PLXNA2: variants seen among roughly 807,000 people sequenced by gnomAD.
The protein encoded by PLXNA2 is plexin A2, also known as plexin-A2.
Under a neutral mutation model 193.5 loss-of-function variants are expected in PLXNA2, and 91 were observed. The ratio of observed to expected loss-of-function variants is 0.47; its 90% CI spans 0.40 to 0.56. The LOEUF is 0.56. Among genes scored for constraint, PLXNA2 ranks in the 20% least tolerant of loss-of-function variants. PLXNA2 has a pLI of 0.00. For synonymous variants in PLXNA2, 997 were observed against 1,027.3 expected (o/e 0.97, Z 0.56); for missense variants, 1,995 against 2,503.2 (o/e 0.80, Z 4.33).
chr1:208,164,987 A>G (rs1004241668), intron 3 of PLXNA2, among the ~76,000 whole-genome samples: 4 of 152,346 alleles, frequency 2.6e-5, no homozygotes, highest in Non-Finnish European at 5.9e-5. Context: ...GCGGGAAGTC[A>G]GGGACGGAAC....
intron 3 of PLXNA2, among the ~76,000 whole-genome samples, chr1:208,184,895 G>A (rs1558233778): frequency 6.6e-6 from 1 of 152,188 alleles, no homozygotes; most frequent in Non-Finnish European, 1.5e-5. Flanking sequence ...AAGCCTCCCA[G>A]TTCCTCTAAA....
chr1:208,043,033 G>A lies in PLXNA2; in HGVS notation c.4017+28C>T, dbSNP rs537714383. 50 of 1,611,648 alleles carry A rather than the reference G, an allele frequency of 3.1e-5. 1 individual carries two copies. The South Asian group carries it at 5.1e-4, about 16-fold the overall frequency. ...TACCCTGGGCCTGCATCCCTGCTGG[G>A]TGGCTGGGCCCAGGAGGCAGGCATT... On this transcript the variant is annotated intron_variant, in intron 21 of 31. Coordinates refer to ENST00000367033, the MANE Select transcript of PLXNA2 (RefSeq NM_025179.4).
intron 4 of PLXNA2, among the ~76,000 whole-genome samples, chr1:208,128,005 G>A (rs1178547255): frequency 6.6e-6 from 1 of 152,186 alleles, no homozygotes; most frequent in African/African-American, 2.4e-5. Flanking sequence ...GATTCTGCCT[G>A]GGAGTCAGGG....
chr1:208,026,956 A>G lies in PLXNA2; in HGVS notation c.*287T>C. On this transcript the variant is annotated 3_prime_UTR_variant, in exon 32 of 32. Coordinates refer to ENST00000367033, the MANE Select transcript of PLXNA2 (RefSeq NM_025179.4). ...GCAAAGCAGCAGTCACAGAGGCAGAACTGTCCCCAGCTCGTGCCTCTCGGC... is the reference window on the plus strand; with the variant it reads ...GCAAAGCAGCAGTCACAGAGGCAGAGCTGTCCCCAGCTCGTGCCTCTCGGC... 3.1e-6 allele frequency: 1 copy of G among 323,998 alleles called. No individual in the cohort carries two copies. The highest frequency in any genetic ancestry group is 5.8e-6 in the Non-Finnish European group (1 of 173,762). The allele number at this position is 323,998 out of a possible 1,614,324, so 20.1% of individuals were successfully genotyped here. A position where few individuals can be genotyped will look rare whatever the true frequency, so the allele number is the denominator to read the frequency against.
At position 208,218,098 on chromosome 1, in the gene PLXNA2, T is replaced by TGA. The variant is rs745591842; in HGVS notation, c.-80-97_-80-96insTC. ...CAGGGTCCCCATCCTGGTTTAGCTCTGTGAGTCTCCTCCTTCTGCATTTTG... is the reference window on the plus strand; with the variant it reads ...CAGGGTCCCCATCCTGGTTTAGCTCTGAGTGAGTCTCCTCCTTCTGCATTTTG... On this transcript the variant is annotated intron_variant, in intron 1 of 31. Transcript: ENST00000367033. The TGA allele has an allele frequency of 3.9e-6, 4 of 1,014,520 alleles. No homozygotes were observed. In the South Asian group the frequency reaches 6.1e-5, roughly 16 times the overall value. The allele number at this position is 1,014,520 out of a possible 1,614,324, so 62.8% of individuals were successfully genotyped here.
Position 208,038,262 on chromosome 1 carries a change from A to T in PLXNA2, c.4764+109T>A. 3.9e-6 allele frequency: 3 copies of T among 764,892 alleles called. No individual in the cohort carries two copies. The highest frequency in any genetic ancestry group is 7.1e-6 in the Non-Finnish European group (3 of 425,464). The allele number at this position is 764,892 out of a possible 1,614,324, so 47.4% of individuals were successfully genotyped here. On this transcript the variant is annotated intron_variant, in intron 26 of 31. Coordinates refer to ENST00000367033, the MANE Select transcript of PLXNA2 (RefSeq NM_025179.4). This position sits in a 1 kb window ranked among gnomAD's most constrained non-coding sequence, Gnocchi z 4.1. ...TGTTCTATGCTCCAGCAGGAGGAGG[A>T]AAGCAGGGAGAGGAAAATCCTTTTT...
intron 3 of PLXNA2, among the ~76,000 whole-genome samples, chr1:208,162,210 G>A (rs544737117): frequency 6.6e-5 from 10 of 152,358 alleles, no homozygotes; most frequent in Middle Eastern, 3.4e-3. Context: ...TCCATTAGCA[G>A]GAAGGGCAGA....
intron 2 of PLXNA2, among the ~76,000 whole-genome samples, chr1:208,212,517 A>T (rs1670995748): frequency 6.6e-6 from 1 of 152,224 alleles, no homozygotes; most frequent in Non-Finnish European, 1.5e-5. Flanking sequence ...TTTCTCAGGA[A>T]GGGAGTGAAG....
chr1:208,241,418 C>T (rs530656388), intron 1 of PLXNA2, among the ~76,000 whole-genome samples: 3 of 152,262 alleles, frequency 2.0e-5, no homozygotes, highest in East Asian at 1.9e-4. Flanking sequence ...TGGTTTTGGG[C>T]GATGGACATA....
At chr1:208,133,911 G>A (rs576166550) in intron 4 of PLXNA2, among the ~76,000 whole-genome samples, 1 of 152,288 alleles carries the variant, frequency 6.6e-6, no homozygotes, top group Admixed American at 6.5e-5. Flanking sequence ...TTTCCTTCTG[G>A]TGAGACACTG....
chr1:208,159,330 A>T (rs1005112050), intron 3 of PLXNA2, among the ~76,000 whole-genome samples: 1 of 152,192 alleles, frequency 6.6e-6, no homozygotes, highest in African/African-American at 2.4e-5. Context: ...GATCTTCATG[A>T]TCATCCTGTG....
intron 4 of PLXNA2, among the ~76,000 whole-genome samples, chr1:208,139,098 G>T (rs917641194): frequency 6.6e-6 from 1 of 152,290 alleles, no homozygotes; most frequent in East Asian, 1.9e-4. Flanking sequence ...CACTGCTTTT[G>T]GTTTAGTCTC....
intron 5 of PLXNA2, among the ~76,000 whole-genome samples, chr1:208,101,973 G>T (rs1667111596): frequency 6.6e-6 from 1 of 152,218 alleles, no homozygotes; most frequent in Non-Finnish European, 1.5e-5. Context: ...AGGGAACCAA[G>T]ATTTACCCCC....
intron 1 of PLXNA2, among the ~76,000 whole-genome samples, chr1:208,242,667 C>T (rs188558861): frequency 6.6e-6 from 1 of 152,306 alleles, no homozygotes; most frequent in Admixed American, 6.5e-5. Context: ...TTCCTCCCCA[C>T]CATTATTTCT....
Position 208,159,674 on chromosome 1 carries a change from T to C in PLXNA2, c.1372-17211A>G, listed in dbSNP as rs568151168. 2.6e-5 allele frequency among the ~76,000 whole-genome samples: 4 copies of C among 152,360 alleles called. No homozygotes were observed. In the East Asian group the frequency reaches 7.7e-4, roughly 29 times the overall value. ...CGCCCACTTGCAATTCTTGCTGACA[T>C]GGACTGGAGCTGGCATTCTCAGGCC... On this transcript the variant is annotated intron_variant, in intron 3 of 31. Transcript: ENST00000367033.
Position 208,196,357 on chromosome 1 carries a change from A to C in PLXNA2, c.1371+13923T>G, listed in dbSNP as rs531185956. 1.1e-4 allele frequency among the ~76,000 whole-genome samples: 17 copies of C among 152,276 alleles called. No individual in the cohort carries two copies. In the East Asian group the frequency reaches 1.5e-3, roughly 14 times the overall value. ...GTTAAAAAACAAAAAACAAAAAAAAAACCATGTTCTCTGCTAATATTGACC... is the reference window on the plus strand; with the variant it reads ...GTTAAAAAACAAAAAACAAAAAAAACACCATGTTCTCTGCTAATATTGACC... On this transcript the variant is annotated intron_variant, in intron 3 of 31. Coordinates refer to ENST00000367033, the MANE Select transcript of PLXNA2 (RefSeq NM_025179.4).
Position 208,060,747 on chromosome 1 carries a change from G to A in PLXNA2, c.2677C>T (p.His893Tyr). 6.2e-7 allele frequency: 1 copy of A among 1,614,092 alleles called. No homozygotes were observed. Residue 893 changes from histidine to tyrosine, a missense_variant, in exon 13 of 32, where the codon CAT (histidine) becomes TAT (tyrosine). Physicochemically the swap from His to Tyr is moderately conservative, Grantham distance 83 (BLOSUM62 2). Transcript: ENST00000367033. ...CAGGGCACCCCAGCCACCTGCACATGGTGGGCGATCTCGGAGAAGTCCAGA... is the reference window on the plus strand; with the variant it reads ...CAGGGCACCCCAGCCACCTGCACATAGTGGGCGATCTCGGAGAAGTCCAGA... ...LGLDFSEIAH[H>Y]VQVAGVPCTP... is the part of the protein sequence containing the mutation.
At chr1:208,105,666 C>A (rs1175534018) in intron 4 of PLXNA2, among the ~76,000 whole-genome samples, 1 of 152,206 alleles carries the variant, frequency 6.6e-6, no homozygotes, top group African/African-American at 2.4e-5. Flanking sequence ...CTGCCGGAGA[C>A]CTTCTAGTGT....
intron 3 of PLXNA2, among the ~76,000 whole-genome samples, chr1:208,181,366 G>A (rs955701622): frequency 6.6e-6 from 1 of 152,218 alleles, no homozygotes; most frequent in African/African-American, 2.4e-5. Flanking sequence ...CCTGAGGGGT[G>A]CAGCCTAGTT....
Sources: gnomAD v4.1 joint callset for allele counts (sites outside exome capture counted in the v4.1 genomes callset) on GRCh38, gnomAD v4.1.1 for gene constraint, Gnocchi (gnomAD v3.1) non-coding constraint, MANE v1.5 for transcripts, NCBI Gene and HGNC (gene_info 2026-07-23, HGNC 2026-07-21) for gene names.